Variants in DCP2 observed in about 807,000 individuals in gnomAD.
DCP2 encodes decapping mRNA 2, also known as m7GpppN-mRNA hydrolase.
DCP2 carries 30 observed loss-of-function variants against 56.1 expected under a neutral mutation model. The observed-to-expected ratio is 0.53, with a 90% CI of 0.40 to 0.73. The LOEUF (loss-of-function observed/expected upper bound fraction) is 0.73, where lower values mean the gene tolerates loss of function less well. Among genes scored for constraint, DCP2 ranks in the 30% least tolerant of loss-of-function variants. The pLI, the probability that DCP2 is intolerant of heterozygous loss-of-function variation, is 0.00. For missense variants in DCP2, 533 were observed against 502.7 expected, an observed-to-expected ratio of 1.06 and a Z score of -0.58; for synonymous variants, 197 against 163.3, an observed-to-expected ratio of 1.21 and a Z score of -1.57.
In DCP2 at chr5:113,003,983, G is replaced by T; in HGVS notation, c.848G>T (p.Gly283Val). Residue 283 changes from glycine (G) to valine (V), a missense_variant, in exon 8 of 11, where the codon GGT (glycine) becomes GTT (valine). Physicochemically the swap from Gly to Val is moderately radical, Grantham distance 109. Transcript: ENST00000389063. ...CACAGTCAGCAGTTATTTCCTGACG[G>T]TTCTCCTGGTGACCAGTGGGTAAAG... Reference protein sequence around the residue: ...FRHSQQLFPDGSPGDQWVKHR... With the variant: ...FRHSQQLFPDVSPGDQWVKHR... The T allele has an allele frequency of 1.2e-6, 2 of 1,614,144 alleles. No individual in the cohort carries two copies. The highest frequency in any genetic ancestry group is 1.7e-6 in the Non-Finnish European group (2 of 1,180,002).
At position 113,013,661 on chromosome 5, in the gene DCP2, A is replaced by G. The variant is rs1749770888; in HGVS notation, c.*177A>G. Reference sequence around the variant, plus strand: ...AAACACGAGTTTGCACTGTAAATGCAGTTATAACCTTTTATACAGATTTAC... The same window carrying G: ...AAACACGAGTTTGCACTGTAAATGCGGTTATAACCTTTTATACAGATTTAC... On this transcript the variant is annotated 3_prime_UTR_variant, in exon 11 of 11. Coordinates refer to ENST00000389063, the MANE Select transcript of DCP2 (RefSeq NM_152624.6). 5.8e-6 allele frequency: 4 copies of G among 687,258 alleles called. No individual in the cohort carries two copies. The South Asian group carries it at 8.6e-5, about 15-fold the overall frequency. 42.6% of individuals were successfully genotyped at this position (687,258 alleles called of 1,614,324 possible).
intron 1 of DCP2, among the ~76,000 whole-genome samples, chr5:112,982,284 T>C (rs954517130): frequency 2.6e-5 from 4 of 152,166 alleles, no homozygotes; most frequent in Non-Finnish European, 5.9e-5. Flanking sequence ...CTTTTTTCCC[T>C]TTAGACTGCA....
At chr5:112,993,602 C>T (rs1203534241) in intron 4 of DCP2, among the ~76,000 whole-genome samples, 1 of 101,260 alleles carries the variant, frequency 9.9e-6, no homozygotes, top group Non-Finnish European at 1.9e-5. Context: ...CTAGCCTGGG[C>T]AACAAGAGTG....
Position 113,013,483 on chromosome 5 carries a change from G to A in DCP2, c.1262G>A (p.Ter421=), listed in dbSNP as rs199970082. 5.6e-6 allele frequency: 9 copies of A among 1,613,900 alleles called. No individual in the cohort carries two copies. The highest frequency in any genetic ancestry group is 5.0e-5 in the Admixed American group (3 of 60,008). ...HNAIMKILDL[*] ...GCTATAATGAAAATCTTGGACCTTT[G>A]ATAGCAGCACATGTATTGTAAATGT... is the stretch of plus-strand genomic sequence containing the variant. Residue 421 remains the stop codon, a stop_retained_variant, in exon 11 of 11, where the codon TGA becomes TAA. Coordinates refer to ENST00000389063, the MANE Select transcript of DCP2 (RefSeq NM_152624.6).
In DCP2 at chr5:113,019,451, GTC is replaced by G. The variant is rs1554102691; in HGVS notation, c.*5971_*5972del. On this transcript the variant is annotated 3_prime_UTR_variant, in exon 11 of 11. Coordinates refer to ENST00000389063, the MANE Select transcript of DCP2 (RefSeq NM_152624.6). ...TTCACTACTGTTCTAGGGGACTGCT[GTC>G]TCTTTGGTTCCTTTTAGGTTTGTGT... The G allele has an allele frequency of 6.6e-6, 1 of 152,206 alleles. No individual in the cohort carries two copies. The highest frequency in any genetic ancestry group is 1.5e-5 in the Non-Finnish European group (1 of 68,036). 9.4% of individuals were successfully genotyped at this position (152,206 alleles called of 1,614,324 possible).
intron 7 of DCP2, among the ~76,000 whole-genome samples, chr5:113,003,172 C>A (rs527249122): frequency 5.1e-5 from 6 of 116,708 alleles, no homozygotes; most frequent in African/African-American, 2.0e-4. Context: ...CTGACTAATT[C>A]CTGACCTTGA....
rs1414433534 is a variant in DCP2 at position 113,021,748 on chromosome 5, T to C, written c.*8264T>C. Among the ~76,000 whole-genome samples, 1 of 152,194 alleles carries C rather than the reference T, an allele frequency of 6.6e-6. No homozygotes were observed. The highest frequency in any genetic ancestry group is 1.5e-5 in the Non-Finnish European group (1 of 68,030). ...GTGAAAACTTGAGAACATTGTAATCTTTCTCTAACAGATGTGTTGCAAAGC... is the reference window on the plus strand; with the variant it reads ...GTGAAAACTTGAGAACATTGTAATCCTTCTCTAACAGATGTGTTGCAAAGC... On this transcript the variant is annotated 3_prime_UTR_variant, in exon 11 of 11. Coordinates refer to ENST00000389063, the MANE Select transcript of DCP2 (RefSeq NM_152624.6).
At chr5:112,988,826 G>T (rs1290747927) in intron 2 of DCP2, among the ~76,000 whole-genome samples, 1 of 152,166 alleles carries the variant, frequency 6.6e-6, no homozygotes, top group Non-Finnish European at 1.5e-5. Context: ...GTCCTCTTTT[G>T]CTTTGGTCAT....
At chr5:112,999,452 C>A (rs1380805643) in intron 4 of DCP2, among the ~76,000 whole-genome samples, 1 of 151,784 alleles carries the variant, frequency 6.6e-6, no homozygotes. Flanking sequence ...TCTCAGCCTT[C>A]CGAGTAGCTG....
intron 1 of DCP2, among the ~76,000 whole-genome samples, chr5:112,985,225 G>A (rs79979314): frequency 0.015 from 2,290 of 152,146 alleles, 56 homozygotes; most frequent in African/African-American, 0.052. Flanking sequence ...ATGTGTACAT[G>A]CAATATTAGT....
At chr5:112,999,002 C>A (rs1748996672) in intron 4 of DCP2, among the ~76,000 whole-genome samples, 1 of 152,188 alleles carries the variant, frequency 6.6e-6, no homozygotes, top group African/African-American at 2.4e-5. Context: ...GGATCCAATC[C>A]ATGCTTACTT....
intron 2 of DCP2, among the ~76,000 whole-genome samples, chr5:112,987,903 A>G (rs1467438841): frequency 2.0e-5 from 3 of 151,864 alleles, no homozygotes; most frequent in Non-Finnish European, 4.4e-5. Context: ...AGCTGGGATT[A>G]TAGGTGCTAC....
At chr5:113,008,263 T>G (rs1293555716) in intron 9 of DCP2, 1 of 401,838 alleles carries the variant, frequency 2.5e-6, no homozygotes. Flanking sequence ...TCTAATTTTT[T>G]ATGTGGCTGT....
At chr5:112,991,499 C>T (rs1748584637) in intron 2 of DCP2, among the ~76,000 whole-genome samples, 2 of 152,078 alleles carry the variant, frequency 1.3e-5, no homozygotes, top group South Asian at 4.1e-4. Flanking sequence ...ACCTGATTTG[C>T]CTTTCTCTGT....
chr5:112,992,775 G>C lies in DCP2; in HGVS notation c.432+5G>C, dbSNP rs2150176666. On this transcript the variant is annotated splice_donor_5th_base_variant and intron_variant, in intron 4 of 10. Coordinates refer to ENST00000389063, the MANE Select transcript of DCP2 (RefSeq NM_152624.6). ...CATGATTGTGCTGCTAGAGAGGTAA[G>C]TTATTCCATTTTGATACACAGTAAA... 1 of 1,558,612 alleles carries C rather than the reference G, an allele frequency of 6.4e-7. No individual in the cohort carries two copies. The highest frequency in any genetic ancestry group is 8.6e-7 in the Non-Finnish European group (1 of 1,164,014).
chr5:113,003,864 T>C, intron 7 of DCP2, 78 bp from the exon 8 acceptor site: 1 of 1,486,858 alleles, frequency 6.7e-7, no homozygotes, highest in African/African-American at 1.4e-5. Flanking sequence ...ATGTAGTCTA[T>C]AAATTTAACT....
chr5:112,987,320 ATAAAT>A (rs1748337006), intron 2 of DCP2, among the ~76,000 whole-genome samples: 1 of 152,216 alleles, frequency 6.6e-6, no homozygotes, highest in South Asian at 2.1e-4. Flanking sequence ...AGCTCAATAA[ATAAAT>A]TAGTTTGAAT....
intron 4 of DCP2, among the ~76,000 whole-genome samples, chr5:112,993,859 T>C (rs1748713917): frequency 6.6e-6 from 1 of 152,130 alleles, no homozygotes; most frequent in Non-Finnish European, 1.5e-5. Context: ...TGTGTATCTA[T>C]GTGTGTGTGT....
chr5:113,005,594 G>A (rs1049107602), intron 8 of DCP2, among the ~76,000 whole-genome samples: 4 of 152,182 alleles, frequency 2.6e-5, no homozygotes, highest in African/African-American at 9.6e-5. Flanking sequence ...AAAAGAGTTT[G>A]GCAATTTCTC....
Sources: allele counts gnomAD v4.1 joint callset (sites outside exome capture counted in the v4.1 genomes callset), GRCh38; gene constraint gnomAD v4.1.1; transcripts MANE v1.5; gene names NCBI Gene and HGNC (gene_info 2026-07-23, HGNC 2026-07-21).